RPS6KC1: variants seen among roughly 807,000 people sequenced by gnomAD.
RPS6KC1 encodes the protein inactive ribosomal protein S6 kinase delta-1.
Under a neutral mutation model 103.8 loss-of-function variants are expected in RPS6KC1, and 54 were observed. That is an observed-to-expected ratio of 0.52 (90% CI 0.42 to 0.65). RPS6KC1 has a LOEUF of 0.65. Among genes scored for constraint, RPS6KC1 ranks in the 30% least tolerant of loss-of-function variants. RPS6KC1 has a pLI of 0.00. For missense variants in RPS6KC1, 1,151 were observed against 1,253.8 expected, an observed-to-expected ratio of 0.92 and a Z score of 1.24; for synonymous variants, 439 against 438.7, an observed-to-expected ratio of 1.00 and a Z score of -0.01.
chr1:213,736,447 C>G, the RPS6KC1 span, among the ~76,000 whole-genome samples: 3 of 152,162 alleles, frequency 2.0e-5, no homozygotes, highest in Admixed American at 6.5e-5. Flanking sequence ...TGCCAAGAGG[C>G]CTTTTCCAAC....
the RPS6KC1 span, among the ~76,000 whole-genome samples, chr1:213,638,352 T>C: frequency 6.6e-6 from 1 of 152,160 alleles, no homozygotes; most frequent in Non-Finnish European, 1.5e-5. Context: ...GAGCAAAAGT[T>C]CTAAATTTTG....
chr1:213,701,844 A>T, the RPS6KC1 span, among the ~76,000 whole-genome samples: 1 of 151,482 alleles, frequency 6.6e-6, no homozygotes, highest in Non-Finnish European at 1.5e-5. Flanking sequence ...TGTCAATTTT[A>T]TTCAACTTTT....
the RPS6KC1 span, among the ~76,000 whole-genome samples, chr1:213,546,828 A>G: frequency 1.3e-5 from 2 of 152,332 alleles, no homozygotes; most frequent in South Asian, 2.1e-4. Flanking sequence ...ATGAATCAAT[A>G]TCGATACATT....
chr1:213,084,252 T>G (rs1198769248), intron 3 of RPS6KC1, among the ~76,000 whole-genome samples: 1 of 152,084 alleles, frequency 6.6e-6, no homozygotes, highest in Non-Finnish European at 1.5e-5. Flanking sequence ...AAGTTTTAAT[T>G]TCTTAACTTT....
chr1:213,082,247 C>T (rs1249709900), intron 3 of RPS6KC1, among the ~76,000 whole-genome samples: 3 of 151,622 alleles, frequency 2.0e-5, no homozygotes, highest in South Asian at 2.1e-4. Flanking sequence ...ATTGAAACCC[C>T]GTCTCTACTA....
At chr1:213,476,125 G>A in the RPS6KC1 span, among the ~76,000 whole-genome samples, 1 of 152,240 alleles carries the variant, frequency 6.6e-6, no homozygotes, top group East Asian at 1.9e-4. Context: ...GAAACACCCA[G>A]CAAAGAAGCA....
intron 14 of RPS6KC1, among the ~76,000 whole-genome samples, chr1:213,270,609 C>T (rs2095025862): frequency 6.6e-6 from 1 of 151,636 alleles, no homozygotes; most frequent in Admixed American, 6.6e-5. Context: ...GACCCCGCCT[C>T]TATGAATAAA....
the RPS6KC1 span, among the ~76,000 whole-genome samples, chr1:213,791,949 A>G: frequency 6.6e-6 from 1 of 152,208 alleles, no homozygotes; most frequent in Non-Finnish European, 1.5e-5. Context: ...TAATAACTGC[A>G]CATAGTACGC....
chr1:213,770,535 G>C, the RPS6KC1 span, among the ~76,000 whole-genome samples: 1 of 152,202 alleles, frequency 6.6e-6, no homozygotes, highest in African/African-American at 2.4e-5. Context: ...TTGAGTACTT[G>C]AGAGTCACAA....
chr1:213,749,641 CG>C, the RPS6KC1 span, among the ~76,000 whole-genome samples: 6 of 152,172 alleles, frequency 3.9e-5, no homozygotes, highest in African/African-American at 7.2e-5. Context: ...AAGAGCACCT[CG>C]GGGAGCACCT....
intron 10 of RPS6KC1, among the ~76,000 whole-genome samples, chr1:213,233,924 GATTA>G (rs2094161204): frequency 6.6e-6 from 1 of 151,700 alleles, no homozygotes; most frequent in Non-Finnish European, 1.5e-5. Flanking sequence ...AGGGACTCTG[GATTA>G]ATTAAATATT....
the RPS6KC1 span, among the ~76,000 whole-genome samples, chr1:213,360,831 C>G: frequency 1.3e-5 from 2 of 152,258 alleles, no homozygotes; most frequent in Admixed American, 6.5e-5. Flanking sequence ...TACTCCAGAC[C>G]CTGTTTGCCT....
At chr1:213,121,681 C>A (rs1437705822) in intron 5 of RPS6KC1, among the ~76,000 whole-genome samples, 1 of 150,334 alleles carries the variant, frequency 6.7e-6, no homozygotes, top group Non-Finnish European at 1.5e-5. Flanking sequence ...GCCATGCTGG[C>A]CTTGATATCA....
the RPS6KC1 span, among the ~76,000 whole-genome samples, chr1:213,717,212 T>C: frequency 6.6e-6 from 1 of 152,142 alleles, no homozygotes; most frequent in African/African-American, 2.4e-5. Context: ...TACAGTCCAG[T>C]GGTGATTGAT....
chr1:213,673,497 GAC>G, the RPS6KC1 span, among the ~76,000 whole-genome samples: 2 of 152,198 alleles, frequency 1.3e-5, no homozygotes, highest in Non-Finnish European at 2.9e-5. Context: ...ACAACTTGAA[GAC>G]ACATCCCTGA....
At chr1:213,363,598 CTCGCTCGCTT>C in the RPS6KC1 span, among the ~76,000 whole-genome samples, 3,565 of 64,982 alleles carry the variant, frequency 0.055, 729 homozygotes, top group African/African-American at 0.17. Flanking sequence ...TTAGCCCTTG[CTCGCTCGCTT>C]GCTTGCTTGC....
the RPS6KC1 span, among the ~76,000 whole-genome samples, chr1:213,454,932 A>T: frequency 6.6e-6 from 1 of 152,182 alleles, no homozygotes; most frequent in African/African-American, 2.4e-5. Context: ...TTGTCAAGGA[A>T]CCTGAGTTAA....
the RPS6KC1 span, among the ~76,000 whole-genome samples, chr1:213,580,697 A>G: frequency 6.6e-6 from 1 of 152,088 alleles, no homozygotes; most frequent in African/African-American, 2.4e-5. Flanking sequence ...AGCCATCAAC[A>G]TAGAAGCAAG....
chr1:213,065,866 T>C (rs1353053735), intron 1 of RPS6KC1, among the ~76,000 whole-genome samples: 1 of 152,060 alleles, frequency 6.6e-6, no homozygotes, highest in Non-Finnish European at 1.5e-5. Flanking sequence ...ATACCGCAGA[T>C]AAATAGAGGG....
Sources: gnomAD v4.1 joint callset for allele counts (sites outside exome capture counted in the v4.1 genomes callset) on GRCh38, gnomAD v4.1.1 for gene constraint, MANE v1.5 for transcripts, NCBI Gene and HGNC (gene_info 2026-07-23, HGNC 2026-07-21) for gene names.